HTT: variants seen among roughly 807,000 people sequenced by gnomAD.
The protein encoded by HTT is huntingtin.
A neutral mutation model predicts 362.3 loss-of-function variants in HTT; 104 were observed. The observed-to-expected ratio is 0.29, with a 90% CI of 0.24 to 0.34. The LOEUF is 0.34. HTT is among the 10% of genes least tolerant of loss of function. HTT has a pLI of 1.00. For missense variants in HTT, 3,301 were observed against 3,928.6 expected, an observed-to-expected ratio of 0.84 and a Z score of 4.27; for synonymous variants, 1,577 against 1,548.7, an observed-to-expected ratio of 1.02 and a Z score of -0.43.
intron 8 of HTT, among the ~76,000 whole-genome samples, chr4:3,117,041 C>G (rs1026480191): frequency 2.0e-5 from 3 of 152,140 alleles, no homozygotes; most frequent in African/African-American, 7.2e-5. Flanking sequence ...AATTTAAGCA[C>G]TGAGTTAGGT....
At chr4:3,152,941 A>G (rs1201733998) in intron 26 of HTT, among the ~76,000 whole-genome samples, 8 of 151,468 alleles carry the variant, frequency 5.3e-5, no homozygotes, top group Non-Finnish European at 1.0e-4. Flanking sequence ...GTGAGCCACC[A>G]TGCCCGGCTA....
chr4:3,138,777 A>G (rs1318207808), intron 21 of HTT, among the ~76,000 whole-genome samples: 2 of 151,970 alleles, frequency 1.3e-5, no homozygotes, highest in African/African-American at 4.8e-5. Flanking sequence ...ACTGCCAGCT[A>G]ATTTTTGTAT....
At chr4:3,123,056 CAGATGAGTGATT>C (rs1213574819) in intron 10 of HTT, 120 bp downstream of exon 10, 1 of 628,758 alleles carries the variant, frequency 1.6e-6, no homozygotes, top group Non-Finnish European at 2.7e-6. Context: ...TATCTCTTCT[CAGATGAGTGATT>C]ATATGTGTGA....
At chr4:3,235,478 G>A in intron 62 of HTT, 80 bp downstream of exon 62, 1 of 1,512,510 alleles carries the variant, frequency 6.6e-7, no homozygotes. Flanking sequence ...CATACCAGTG[G>A]GCCAGTTTTG....
intron 6 of HTT, among the ~76,000 whole-genome samples, chr4:3,114,118 C>T (rs530685500): frequency 5.9e-5 from 9 of 152,280 alleles, no homozygotes; most frequent in African/African-American, 1.9e-4. Flanking sequence ...TTATGGGAAA[C>T]GAGGGGATGG....
At chr4:3,134,202 A>G (rs900483972) in intron 18 of HTT, among the ~76,000 whole-genome samples, 199 bp from the exon 19 acceptor site, 10 of 152,210 alleles carry the variant, frequency 6.6e-5, no homozygotes, top group Non-Finnish European at 1.3e-4. Flanking sequence ...AAAGGGACAC[A>G]TTTACTTTTA....
chr4:3,131,951 T>C (rs1327185151), intron 16 of HTT, among the ~76,000 whole-genome samples, 176 bp downstream of exon 16: 1 of 152,210 alleles, frequency 6.6e-6, no homozygotes. Flanking sequence ...GTTTCATGGG[T>C]TCCCTTTAGA....
rs749592234 is a variant in HTT, at chr4:3,148,017, A to G, written c.3308A>G (p.Lys1103Arg). 2.5e-6 allele frequency: 4 copies of G among 1,612,820 alleles called. No homozygotes were observed. The highest frequency in any genetic ancestry group is 3.4e-6 in the Non-Finnish European group (4 of 1,179,414). The change falls in exon 26 of 67, where the codon AAA becomes AGA. Residue 1103 changes from lysine (K) to arginine (R), a missense_variant. Lys to Arg is a conservative substitution (Grantham distance 26, BLOSUM62 2). Coordinates refer to ENST00000355072, the MANE Select transcript of HTT (RefSeq NM_001388492.1). ...GCCCATATCACAGCCAGTGCTCCCA[A>G]ATCTCTGAGAAGTTCATGGGCCTCT... is the stretch of plus-strand genomic sequence containing the variant. Reference protein sequence around the residue: ...AGNLLAASAPKSLRSSWASEE... With the variant: ...AGNLLAASAPRSLRSSWASEE...
intron 34 of HTT, among the ~76,000 whole-genome samples, chr4:3,178,029 G>A (rs1718314535): frequency 6.6e-6 from 1 of 152,204 alleles, no homozygotes. Flanking sequence ...AAGAGGCAGA[G>A]GAGAGCTAGG....
chr4:3,114,711 A>AT (rs1281651039), intron 6 of HTT, among the ~76,000 whole-genome samples: 2 of 152,120 alleles, frequency 1.3e-5, no homozygotes, highest in African/African-American at 2.4e-5. Context: ...ATTTTAGGAT[A>AT]TTTTTATCAA....
At chr4:3,095,570 T>A (rs1052185242) in intron 2 of HTT, among the ~76,000 whole-genome samples, 1 of 152,216 alleles carries the variant, frequency 6.6e-6, no homozygotes. Flanking sequence ...GTGATACTAA[T>A]TTTGGACTCT....
rs928089394 is a variant in HTT, at chr4:3,228,468, G to A, written c.7849-147G>A. The A allele has an allele frequency of 1.2e-6, 1 of 801,280 alleles. No individual in the cohort carries two copies. The highest frequency in any genetic ancestry group is 1.8e-6 in the Non-Finnish European group (1 of 542,864). 49.6% of individuals were successfully genotyped at this position (801,280 alleles called of 1,614,324 possible). ...CCCCACCCTCTCTGTGGGCTCCCTT[G>A]CCCGTAACCTGGGGTGTCTGAACGA... On this transcript the variant is annotated intron_variant, in intron 57 of 66. Transcript: ENST00000355072. The surrounding 1 kb of genome is among the most constrained non-coding windows in gnomAD (Gnocchi z 4.3).
intron 9 of HTT, 35 bp downstream of exon 9, chr4:3,121,467 C>A (rs773899163): frequency 6.9e-7 from 1 of 1,447,686 alleles, no homozygotes; most frequent in African/African-American, 1.4e-5. Flanking sequence ...TTACAATTAA[C>A]TTTGCAGTAA....
At chr4:3,195,071 A>T (rs1719183810) in intron 40 of HTT, among the ~76,000 whole-genome samples, 1 of 152,126 alleles carries the variant, frequency 6.6e-6, no homozygotes, top group Admixed American at 6.5e-5. Flanking sequence ...TCTTTCTCTC[A>T]TCAGGCCACT....
rs1456074577 is a variant in HTT, at chr4:3,203,073, A to T, written c.5577-934A>T. On this transcript the variant is annotated intron_variant, in intron 41 of 66. Coordinates refer to ENST00000355072, the MANE Select transcript of HTT (RefSeq NM_001388492.1). ...CTGAGTCTGGCCCCTTTCGGTGAGC[A>T]GTGTCTAAAGTTCTGTCGCGTGTTG... 2.6e-5 allele frequency: 4 copies of T among 152,364 alleles called. No individual in the cohort carries two copies. In the East Asian group the frequency reaches 7.7e-4, roughly 29 times the overall value. 9.4% of individuals were successfully genotyped at this position (152,364 alleles called of 1,614,324 possible). A position where few individuals can be genotyped will look rare whatever the true frequency, so the allele number is the denominator to read the frequency against.
At position 3,172,650 on chromosome 4, in the gene HTT, C is replaced by T. The variant is rs186880838; in HGVS notation, c.3942+253C>T. Among the ~76,000 whole-genome samples the T allele has an allele frequency of 5.9e-5, 9 of 152,310 alleles. No individual in the cohort carries two copies. In the East Asian group the frequency reaches 1.7e-3, roughly 29 times the overall value. On this transcript the variant is annotated intron_variant, in intron 30 of 66. Transcript: ENST00000355072. ...CCTCTGCAACCTCGCTAGTTAACTT[C>T]CAGTCCCTCGGAGTTTCTGTTTAGA...
chr4:3,138,787 T>G (rs1245596589), intron 21 of HTT, among the ~76,000 whole-genome samples: 2 of 151,670 alleles, frequency 1.3e-5, no homozygotes, highest in Non-Finnish European at 2.9e-5. Flanking sequence ...AATTTTTGTA[T>G]TTTTTGGTAG....
intron 9 of HTT, among the ~76,000 whole-genome samples, chr4:3,122,658 A>G (rs991599058): frequency 2.0e-5 from 3 of 152,210 alleles, no homozygotes; most frequent in Non-Finnish European, 4.4e-5. Flanking sequence ...AATGCAATTT[A>G]TCTTAGCTTT....
chr4:3,174,922 T>C, intron 32 of HTT, 24 bp from the exon 33 acceptor site: 1 of 1,554,732 alleles, frequency 6.4e-7, no homozygotes, highest in Non-Finnish European at 8.7e-7. Context: ...ATGGATTCTT[T>C]CTTTCTTTTT....
Sources: allele counts gnomAD v4.1 joint callset (sites outside exome capture counted in the v4.1 genomes callset), GRCh38; gene constraint gnomAD v4.1.1; non-coding constraint Gnocchi (gnomAD v3.1); transcripts MANE v1.5; gene names NCBI Gene and HGNC (gene_info 2026-07-23, HGNC 2026-07-21).